CDC14B: variants seen among roughly 807,000 people sequenced by gnomAD.
CDC14B encodes the protein cell division cycle 14B, also known as dual specificity protein phosphatase CDC14B.
A neutral mutation model predicts 64.2 loss-of-function variants in CDC14B; 22 were observed. The observed-to-expected ratio is 0.34, with a 90% CI of 0.24 to 0.49. The LOEUF (loss-of-function observed/expected upper bound fraction) is 0.49. Ranked by LOEUF, CDC14B falls within the 20% of genes least tolerant of loss-of-function variation. The pLI is 0.99. For synonymous variants in CDC14B, 191 were observed against 215.8 expected (o/e 0.89, Z 1.01); for missense variants, 498 against 629.9 (o/e 0.79, Z 2.24).
chr9:96,514,748 A>C (rs1195815549), intron 12 of CDC14B: 17 of 985,484 alleles, frequency 1.7e-5, no homozygotes, highest in Non-Finnish European at 2.0e-5. Context: ...GCTCAGACAC[A>C]GAAGGGTGGC....
At chr9:96,493,647 C>G (rs1356243237) in intron 13 of CDC14B, among the ~76,000 whole-genome samples, 1 of 152,080 alleles carries the variant, frequency 6.6e-6, no homozygotes, top group African/African-American at 2.4e-5. Flanking sequence ...CTGAGCAACA[C>G]AGTAAGACCA....
chr9:96,565,262 C>A, intron 2 of CDC14B, 131 bp downstream of exon 2: 1 of 543,602 alleles, frequency 1.8e-6, no homozygotes. Flanking sequence ...TTTATTACTA[C>A]AGGTGAAAAA....
At chr9:96,618,583 C>T (rs749116100) in intron 1 of CDC14B, 15 of 533,178 alleles carry the variant, frequency 2.8e-5, no homozygotes, top group South Asian at 2.1e-4. Context: ...TGACACCTTC[C>T]TTCTCGAGGC....
downstream of CDC14B, chr9:96,496,470 GCTAA>G (rs906053303): frequency 1.9e-5 from 8 of 414,208 alleles, no homozygotes; most frequent in African/African-American, 1.6e-4. Flanking sequence ...TTCCTGGGCC[GCTAA>G]CTCTCAACCG....
intron 4 of CDC14B, among the ~76,000 whole-genome samples, chr9:96,556,380 T>G (rs1443543919): frequency 6.6e-6 from 1 of 151,864 alleles, no homozygotes; most frequent in Admixed American, 6.6e-5. Flanking sequence ...TAACAAAGAA[T>G]GCTCACAAAT....
At chr9:96,528,617 A>G (rs1587831922) in intron 9 of CDC14B, among the ~76,000 whole-genome samples, 1 of 152,234 alleles carries the variant, frequency 6.6e-6, no homozygotes, top group South Asian at 2.1e-4. Context: ...GTTTCTGAGC[A>G]TATAACCAGA....
At chr9:96,548,372 C>T (rs749262692) in intron 5 of CDC14B, among the ~76,000 whole-genome samples, 1 of 152,092 alleles carries the variant, frequency 6.6e-6, no homozygotes, top group Non-Finnish European at 1.5e-5. Context: ...CTGTTCATAA[C>T]AATGATCCTA....
At chr9:96,618,125 A>C (rs1847752667) in intron 1 of CDC14B, among the ~76,000 whole-genome samples, 1 of 152,242 alleles carries the variant, frequency 6.6e-6, no homozygotes, top group African/African-American at 2.4e-5. Flanking sequence ...CTTAGTTTCC[A>C]GATTGTCCAT....
chr9:96,491,168 C>T (rs1833089678), exon 14 of CDC14B: 1 of 152,240 alleles, frequency 6.6e-6, no homozygotes, highest in East Asian at 1.9e-4. Flanking sequence ...CCCGCTTTCT[C>T]ATAGACACAG....
chr9:96,618,044 G>T (rs963133195), intron 1 of CDC14B, among the ~76,000 whole-genome samples: 1 of 152,072 alleles, frequency 6.6e-6, no homozygotes, highest in Non-Finnish European at 1.5e-5. Context: ...TCCTATGCCC[G>T]CTCTGGTTCC....
chr9:96,532,240 G>T (rs1057247596), intron 9 of CDC14B, among the ~76,000 whole-genome samples: 27 of 152,250 alleles, frequency 1.8e-4, no homozygotes, highest in African/African-American at 6.5e-4. Flanking sequence ...CATTATTTTT[G>T]AAGGAGTTTT....
At position 96,619,434 on chromosome 9, in the gene CDC14B, C is replaced by T; in HGVS notation, c.-56G>A. The stretch of plus-strand genomic sequence containing the variant: ...GACCATGGCCCCGCGCGCCCGCGCG[C>T]CCGCCGAGGCTCCCGCCAGCCCCGC... On this transcript the variant is annotated 5_prime_UTR_variant, in exon 1 of 14. Transcript: ENST00000375241. 1 of 1,043,484 alleles carries T rather than the reference C, an allele frequency of 9.6e-7. No homozygotes were observed. The highest frequency in any genetic ancestry group is 1.2e-6 in the Non-Finnish European group (1 of 863,376). The allele number at this position is 1,043,484 out of a possible 1,614,324, so 64.6% of individuals were successfully genotyped here.
intron 13 of CDC14B, among the ~76,000 whole-genome samples, chr9:96,506,144 C>T (rs1451896960): frequency 6.6e-6 from 1 of 152,150 alleles, no homozygotes; most frequent in Non-Finnish European, 1.5e-5. Flanking sequence ...GGTAAACCTG[C>T]TACGTTGCAG....
intron 1 of CDC14B, chr9:96,618,533 C>T (rs150883419): frequency 2.2e-4 from 115 of 533,532 alleles, no homozygotes; most frequent in African/African-American, 2.0e-3. Flanking sequence ...AGTGACAACC[C>T]GGACATTCGT....
chr9:96,561,508 T>G (rs1179227871), intron 4 of CDC14B, among the ~76,000 whole-genome samples: 1 of 151,654 alleles, frequency 6.6e-6, no homozygotes, highest in Non-Finnish European at 1.5e-5. Context: ...AGACGGAGTC[T>G]CGCTCTGTCG....
intron 1 of CDC14B, among the ~76,000 whole-genome samples, chr9:96,610,450 G>A (rs760910311): frequency 1.8e-4 from 27 of 151,936 alleles, no homozygotes; most frequent in Non-Finnish European, 3.8e-4. Flanking sequence ...CACCCGCCTC[G>A]GCCTCCTAAA....
In CDC14B at chr9:96,563,350, T is replaced by C. The variant is rs575951045; in HGVS notation, c.328-565A>G. 5.3e-5 allele frequency among the ~76,000 whole-genome samples: 8 copies of C among 152,258 alleles called. No individual in the cohort carries two copies. The South Asian group carries it at 1.7e-3, about 32-fold the overall frequency. ...CATCCATGATGTGTACATATTTCTA[T>C]TTATATGTTAAAAAGTTTTCTGGTG... On this transcript the variant is annotated intron_variant, in intron 3 of 13. Transcript: ENST00000375241.
chr9:96,506,318 G>A (rs1834124658), intron 13 of CDC14B, among the ~76,000 whole-genome samples: 1 of 152,128 alleles, frequency 6.6e-6, no homozygotes, highest in African/African-American at 2.4e-5. Flanking sequence ...CCTCCAAACA[G>A]AAATGAATAC....
chr9:96,546,677 T>C (rs1052315919), intron 5 of CDC14B, among the ~76,000 whole-genome samples: 2 of 151,930 alleles, frequency 1.3e-5, no homozygotes, highest in African/African-American at 2.4e-5. Context: ...CTTGAACTCC[T>C]GACCTCAGGT....
Sources: allele counts gnomAD v4.1 joint callset (sites outside exome capture counted in the v4.1 genomes callset), GRCh38; gene constraint gnomAD v4.1.1; transcripts MANE v1.5; gene names NCBI Gene and HGNC (gene_info 2026-07-23, HGNC 2026-07-21).